Variants in NTRK1 observed in about 807,000 individuals in gnomAD.
The protein encoded by NTRK1 is neurotrophic receptor tyrosine kinase 1.
Under a neutral mutation model 86.8 loss-of-function variants are expected in NTRK1, and 62 were observed. The ratio of observed to expected loss-of-function variants is 0.71; its 90% CI spans 0.58 to 0.88. NTRK1 has a LOEUF of 0.88. Among genes scored for constraint, NTRK1 ranks in the 40% least tolerant of loss-of-function variants. The pLI, the probability that NTRK1 is intolerant of heterozygous loss-of-function variation, is 0.00. For synonymous variants in NTRK1, 469 were observed against 456.6 expected, an observed-to-expected ratio of 1.03 and a Z score of -0.35; for missense variants, 967 against 1,078.4, an observed-to-expected ratio of 0.90 and a Z score of 1.45.
In NTRK1 at chr1:156,879,174, G is replaced by T. The variant is rs1648098608; in HGVS notation, c.1858G>T (p.Gly620Cys). The T allele has an allele frequency of 6.2e-7, 1 of 1,613,200 alleles. No homozygotes were observed. Among genetic ancestry groups the T allele is most frequent in the Non-Finnish European group, 8.5e-7 (1 of 1,179,236 alleles). ...LLAGGEDVAP[G>C]PLGLGQLLAV... The stretch of plus-strand genomic sequence containing the variant: ...GGCTGGTGGGGAGGATGTGGCTCCA[G>T]GCCCCCTGGGTCTGGGGCAGCTGCT... The change falls in exon 15 of 17, where the codon GGC becomes TGC. Residue 620 changes from glycine (G) to cysteine (C), a missense_variant. Coordinates refer to ENST00000524377, the MANE Select transcript of NTRK1 (RefSeq NM_002529.4).
At chr1:156,872,944 T>A (rs543539946) in intron 7 of NTRK1, among the ~76,000 whole-genome samples, 93 of 152,010 alleles carry the variant, frequency 6.1e-4, no homozygotes, top group Admixed American at 6.0e-3. Context: ...CCCAAAGTAT[T>A]GGAATTACAG....
chr1:156,868,198 C>T lies in NTRK1; in HGVS notation c.523C>T (p.Leu175=), dbSNP rs2102893164. Residue 175 remains leucine, a synonymous_variant, in exon 5 of 17, where the codon CTG becomes TTG. Transcript: ENST00000524377. ...ACTGGGCGGAGTGCCTGAACAGAAGCTGCAGTGTCATGGGCAAGGGCCCCT... is the reference window on the plus strand; with the variant it reads ...ACTGGGCGGAGTGCCTGAACAGAAGTTGCAGTGTCATGGGCAAGGGCCCCT... ...EGLGGVPEQK[L]QCHGQGPLAH... The T allele has an allele frequency of 3.7e-6, 6 of 1,613,308 alleles. No individual in the cohort carries two copies. The highest frequency in any genetic ancestry group is 5.1e-6 in the Non-Finnish European group (6 of 1,180,034).
intron 2 of NTRK1, chr1:156,851,621 G>C (rs1007650004): frequency 1.9e-6 from 3 of 1,614,008 alleles, no homozygotes; most frequent in South Asian, 2.2e-5. Flanking sequence ...AGGAGGAGGG[G>C]TGTGGCCCCA....
In NTRK1 at chr1:156,876,061, A is replaced by T. The variant is rs2102917010; in HGVS notation, c.1502-19A>T. 1 of 1,613,732 alleles carries T rather than the reference A, an allele frequency of 6.2e-7. No homozygotes were observed. ...CTCCCAAGACTGGGGCTACCGTCTG[A>T]CCCTGCAAGCCCCCTCAGGTGTTCA... is the stretch of plus-strand genomic sequence containing the variant. On this transcript the variant is annotated intron_variant, in intron 12 of 16. Transcript: ENST00000524377.
intron 1 of NTRK1, chr1:156,841,595 G>T (rs951148500): frequency 6.2e-7 from 1 of 1,610,452 alleles, no homozygotes; most frequent in African/African-American, 1.3e-5. Context: ...CAAGGGATGG[G>T]GGTGTTCCAG....
chr1:156,874,058 G>T (rs552737370), intron 8 of NTRK1, 99 bp downstream of exon 8: 29 of 1,304,102 alleles, frequency 2.2e-5, no homozygotes, highest in Non-Finnish European at 3.1e-5. Context: ...TGGAGTGCCT[G>T]GTTCGGGACA....
At chr1:156,848,809 G>C in intron 2 of NTRK1, 7 of 1,338,762 alleles carry the variant, frequency 5.2e-6, no homozygotes, top group Non-Finnish European at 7.0e-6. Context: ...GCGGGTCCTG[G>C]CTTCCTGGGT....
chr1:156,821,182 C>T (rs190876631), intron 1 of NTRK1, among the ~76,000 whole-genome samples: 2 of 152,064 alleles, frequency 1.3e-5, no homozygotes, highest in South Asian at 2.1e-4. Context: ...CTTGTGTACA[C>T]GGATTTTGTA....
rs954769021 is a variant in NTRK1, at chr1:156,873,717, C to G, written c.935C>G (p.Ser312Cys). 1 of 1,612,628 alleles carries G rather than the reference C, an allele frequency of 6.2e-7. No individual in the cohort carries two copies. The highest frequency in any genetic ancestry group is 8.5e-7 in the Non-Finnish European group (1 of 1,179,612). Residue 312 changes from serine (S) to cysteine (C), a missense_variant, in exon 8 of 17, where the codon TCT (serine) becomes TGT (cysteine). By Grantham distance (112) the Ser-to-Cys change is moderately radical. This residue lies in a region of NTRK1 where 637 missense variants were observed against 776.5 expected (regional missense o/e 0.82). Coordinates refer to ENST00000524377, the MANE Select transcript of NTRK1 (RefSeq NM_002529.4). ...TCTGTGGATGGGCAGCCGGCACCGT[C>G]TCTGCGCTGGCTCTTCAATGGCTCC... ...PFSVDGQPAP[S>C]LRWLFNGSVL...
At chr1:156,850,359 C>T (rs1655158270) in intron 2 of NTRK1, among the ~76,000 whole-genome samples, 1 of 150,590 alleles carries the variant, frequency 6.6e-6, no homozygotes, top group Non-Finnish European at 1.5e-5. Flanking sequence ...CTACAGGTGC[C>T]CACCACCACA....
intron 2 of NTRK1, among the ~76,000 whole-genome samples, chr1:156,849,632 A>G (rs981518297): frequency 3.3e-5 from 5 of 152,136 alleles, no homozygotes; most frequent in Non-Finnish European, 7.3e-5. Flanking sequence ...ACTCTGTGCC[A>G]CTGACCAGGA....
At chr1:156,846,821 C>G in intron 2 of NTRK1, 3 of 1,280,336 alleles carry the variant, frequency 2.3e-6, no homozygotes. Context: ...GGCACCCCCG[C>G]TCTGAATCAC....
chr1:156,867,050 T>C (rs41413644), intron 4 of NTRK1, 72 bp downstream of exon 4: 8 of 1,471,116 alleles, frequency 5.4e-6, no homozygotes, highest in Non-Finnish European at 7.6e-6. Context: ...GTCTGTTGGA[T>C]GACATTGGGT....
intron 1 of NTRK1, chr1:156,841,173 G>A (rs1021680376): frequency 1.6e-6 from 2 of 1,255,666 alleles, no homozygotes; most frequent in African/African-American, 3.0e-5. Context: ...CTCCTGCACT[G>A]AGGGTCAGTT....
chr1:156,832,125 A>G (rs1654479909), intron 1 of NTRK1, among the ~76,000 whole-genome samples: 1 of 152,240 alleles, frequency 6.6e-6, no homozygotes, highest in Non-Finnish European at 1.5e-5. Context: ...TGCTGGAGCA[A>G]ATGAAACTTA....
At position 156,819,262 on chromosome 1, in the gene NTRK1, G is replaced by A. The variant is rs563104509; in HGVS notation, c.-64+3424G>A. Among the ~76,000 whole-genome samples, 13 of 151,882 alleles carry A rather than the reference G, an allele frequency of 8.6e-5. No homozygotes were observed. In the South Asian group the frequency reaches 2.7e-3, roughly 32 times the overall value. ...ACCTCAGGTGATCCCCCTGCCTCAG[G>A]CTCCCAAAGTGCTGGGATCACAGGC... On this transcript the variant is annotated intron_variant, in intron 1 of 16. Coordinates refer to the NTRK1 transcript ENST00000392302.
chr1:156,881,289 A>G (rs1648241484), intron 16 of NTRK1, among the ~76,000 whole-genome samples, 168 bp from the exon 17 acceptor site: 2 of 152,354 alleles, frequency 1.3e-5, no homozygotes, highest in South Asian at 2.1e-4. Flanking sequence ...GTGTCAGAGC[A>G]GAAATGAATC....
At chr1:156,851,474 G>A in intron 2 of NTRK1, 1 of 1,613,178 alleles carries the variant, frequency 6.2e-7, no homozygotes. Context: ...GAGCAAGGAA[G>A]GTGATGGGTC....
At chr1:156,835,332 A>G (rs1167726372) in intron 1 of NTRK1, among the ~76,000 whole-genome samples, 1 of 152,136 alleles carries the variant, frequency 6.6e-6, no homozygotes, top group Non-Finnish European at 1.5e-5. Flanking sequence ...TATGTATGTG[A>G]CAGAGCCCGC....
Sources: allele counts gnomAD v4.1 joint callset (sites outside exome capture counted in the v4.1 genomes callset), GRCh38; gene constraint gnomAD v4.1.1; regional missense constraint gnomAD v4.1.1; transcripts MANE v1.5; gene names NCBI Gene and HGNC (gene_info 2026-07-23, HGNC 2026-07-21).